Variants in SPTLC3 observed in about 807,000 individuals in gnomAD.
SPTLC3 encodes serine palmitoyltransferase 3.
In SPTLC3, 36 loss-of-function variants were observed where a neutral mutation model predicts 59.3. That is an observed-to-expected ratio of 0.61 (90% CI 0.47 to 0.80). SPTLC3 has a LOEUF of 0.80. SPTLC3 is among the 30% of genes least tolerant of loss of function. SPTLC3 has a pLI of 0.00. For synonymous variants in SPTLC3, 257 were observed against 240.8 expected, an observed-to-expected ratio of 1.07 and a Z score of -0.62; for missense variants, 625 against 685.1, an observed-to-expected ratio of 0.91 and a Z score of 0.98.
intron 10 of SPTLC3, among the ~76,000 whole-genome samples, chr20:13,156,499 G>T (rs998207529): frequency 1.3e-5 from 2 of 152,146 alleles, no homozygotes; most frequent in African/African-American, 4.8e-5. Flanking sequence ...GGGATTCTTG[G>T]ACAAGTTACT....
At chr20:13,136,140 A>T (rs2038237587) in intron 9 of SPTLC3, among the ~76,000 whole-genome samples, 1 of 152,192 alleles carries the variant, frequency 6.6e-6, no homozygotes, top group African/African-American at 2.4e-5. Context: ...AAAGTCACAC[A>T]TGTCCCTCTC....
chr20:13,138,167 T>C (rs2038294000), intron 9 of SPTLC3, among the ~76,000 whole-genome samples: 1 of 152,238 alleles, frequency 6.6e-6, no homozygotes, highest in South Asian at 2.1e-4. Context: ...CTTTCTGGGT[T>C]GATACCTGTT....
chr20:13,072,284 A>C lies in SPTLC3; in HGVS notation c.332A>C (p.Glu111Ala). The C allele has an allele frequency of 6.2e-7, 1 of 1,613,908 alleles. No individual in the cohort carries two copies. The highest frequency in any genetic ancestry group is 8.5e-7 in the Non-Finnish European group (1 of 1,179,876). Residue 111 changes from glutamate to alanine, a missense_variant, in exon 3 of 12, where the codon GAA becomes GCA. Coordinates refer to ENST00000399002, the MANE Select transcript of SPTLC3 (RefSeq NM_018327.4). ...KDFVPLYQDF[E>A]NFYTRNLYMR... is the part of the protein sequence containing the mutation. ...TTTGTGCCACTGTATCAAGACTTTGAAAATTTTTATACAAGAAACCTTTAC... is the reference window on the plus strand; with the variant it reads ...TTTGTGCCACTGTATCAAGACTTTGCAAATTTTTATACAAGAAACCTTTAC...
At chr20:13,136,618 T>A (rs202220305) in intron 9 of SPTLC3, among the ~76,000 whole-genome samples, 48 of 146,162 alleles carry the variant, frequency 3.3e-4, no homozygotes, top group Non-Finnish European at 7.5e-5. Flanking sequence ...TATATATATA[T>A]AATATACATA....
chr20:13,145,653 T>G (rs938387000), intron 9 of SPTLC3, among the ~76,000 whole-genome samples: 2 of 152,110 alleles, frequency 1.3e-5, no homozygotes, highest in African/African-American at 4.8e-5. Context: ...AAAATTCATA[T>G]GGAACCAAAA....
chr20:13,105,651 A>T (rs1989848463), intron 6 of SPTLC3, among the ~76,000 whole-genome samples: 1 of 152,198 alleles, frequency 6.6e-6, no homozygotes, highest in Non-Finnish European at 1.5e-5. Flanking sequence ...TATTCATTTT[A>T]AAATGACTAC....
intron 9 of SPTLC3, among the ~76,000 whole-genome samples, chr20:13,146,618 A>G (rs554547274): frequency 1.3e-5 from 2 of 152,278 alleles, no homozygotes; most frequent in East Asian, 3.9e-4. Flanking sequence ...ATACTATGCA[A>G]ATGTCTACAT....
chr20:13,140,528 G>A (rs1026216619), intron 9 of SPTLC3, among the ~76,000 whole-genome samples: 30 of 152,020 alleles, frequency 2.0e-4, no homozygotes, highest in Admixed American at 1.2e-3. Context: ...ATATGATTCC[G>A]ATTAACATCA....
chr20:13,111,605 G>T (rs570507240), intron 7 of SPTLC3, among the ~76,000 whole-genome samples: 4 of 152,166 alleles, frequency 2.6e-5, no homozygotes, highest in Admixed American at 2.0e-4. Flanking sequence ...ACTCTGGGCT[G>T]TCATAACCTC....
chr20:13,120,870 C>T (rs1237273178), intron 8 of SPTLC3, among the ~76,000 whole-genome samples: 1 of 152,158 alleles, frequency 6.6e-6, no homozygotes, highest in East Asian at 1.9e-4. Flanking sequence ...CAGAGTTTTG[C>T]TGTTTTGCTC....
intron 1 of SPTLC3, among the ~76,000 whole-genome samples, chr20:13,015,180 A>C (rs140915702): frequency 6.6e-6 from 1 of 152,318 alleles, no homozygotes; most frequent in East Asian, 1.9e-4. Flanking sequence ...GAGCTTACCC[A>C]CTGTGTTTGG....
chr20:13,106,362 A>G (rs1252407315), intron 6 of SPTLC3, among the ~76,000 whole-genome samples: 7 of 152,296 alleles, frequency 4.6e-5, no homozygotes, highest in Non-Finnish European at 8.8e-5. Flanking sequence ...CATGAAAGCA[A>G]AAAACGAACA....
intron 1 of SPTLC3, among the ~76,000 whole-genome samples, chr20:13,045,718 G>A (rs578258770): frequency 6.6e-6 from 1 of 152,196 alleles, no homozygotes; most frequent in African/African-American, 2.4e-5. Context: ...TTTCTCCTTT[G>A]TGTTATTACT....
chr20:13,085,241 G>T (rs1261218219), intron 4 of SPTLC3, among the ~76,000 whole-genome samples: 1 of 151,954 alleles, frequency 6.6e-6, no homozygotes, highest in Non-Finnish European at 1.5e-5. Flanking sequence ...CGGAATATTG[G>T]CCAGAAAAAC....
rs1188047847 is a variant in SPTLC3 at position 13,160,120 on chromosome 20, G to A, written c.1533G>A (p.Glu511=). Residue 511 remains glutamate, a synonymous_variant, in exon 11 of 12, where the codon GAG becomes GAA. Transcript: ENST00000399002. ...GTGTTTCAGCGGCACATACCCGGGA[G>A]ATGTTAGACACGGTGAGTACACCAC... The part of the protein sequence containing the change: ...RFCVSAAHTR[E]MLDTVLEALD... The A allele has an allele frequency of 1.2e-6, 2 of 1,613,964 alleles. No individual in the cohort carries two copies. The highest frequency in any genetic ancestry group is 1.7e-6 in the Non-Finnish European group (2 of 1,179,926).
chr20:13,084,097 C>T (rs1988930741), intron 4 of SPTLC3, among the ~76,000 whole-genome samples: 1 of 152,202 alleles, frequency 6.6e-6, no homozygotes, highest in African/African-American at 2.4e-5. Flanking sequence ...TGATTCCTCT[C>T]CTTTGAGTAC....
At chr20:13,025,486 C>T (rs1986096801) in intron 1 of SPTLC3, among the ~76,000 whole-genome samples, 1 of 152,156 alleles carries the variant, frequency 6.6e-6, no homozygotes, top group Non-Finnish European at 1.5e-5. Context: ...TCAGTTTTCT[C>T]ACCTGGTAAA....
At chr20:13,124,583 G>A (rs1227281502) in intron 8 of SPTLC3, among the ~76,000 whole-genome samples, 1 of 152,040 alleles carries the variant, frequency 6.6e-6, no homozygotes, top group Non-Finnish European at 1.5e-5. Context: ...GAAAGGGGGG[G>A]ATTCAGAATG....
chr20:13,079,355 T>C (rs372764333), intron 4 of SPTLC3, among the ~76,000 whole-genome samples: 2 of 152,174 alleles, frequency 1.3e-5, no homozygotes, highest in African/African-American at 4.8e-5. Flanking sequence ...AATGATTTCA[T>C]GATTAGTGTT....
Sources: allele counts gnomAD v4.1 joint callset (sites outside exome capture counted in the v4.1 genomes callset), GRCh38; gene constraint gnomAD v4.1.1; transcripts MANE v1.5; gene names NCBI Gene and HGNC (gene_info 2026-07-23, HGNC 2026-07-21).